The following TRAF2 variants were observed in gnomAD, a reference collection of about 807,000 sequenced individuals.
The protein encoded by TRAF2 is TNF receptor-associated factor 2.
TRAF2 carries 6 observed loss-of-function variants against 55.6 expected under a neutral mutation model. That is an observed-to-expected ratio of 0.11 (90% CI 0.06 to 0.21). The LOEUF is 0.21. TRAF2 is among the 10% of genes least tolerant of loss of function. TRAF2 has a pLI of 1.00. For synonymous variants in TRAF2, 329 were observed against 276.3 expected, an observed-to-expected ratio of 1.19 and a Z score of -1.89; for missense variants, 561 against 684.5, an observed-to-expected ratio of 0.82 and a Z score of 2.01.
chr9:136,901,598 G>T (rs552439220), intron 4 of TRAF2, among the ~76,000 whole-genome samples: 1 of 152,180 alleles, frequency 6.6e-6, no homozygotes, highest in African/African-American at 2.4e-5. Flanking sequence ...GAGGAGACAG[G>T]GGTCATTGTT....
chr9:136,920,998 C>G (rs758099713), intron 8 of TRAF2, 40 bp from the exon 9 acceptor site: 99 of 1,606,692 alleles, frequency 6.2e-5, no homozygotes, highest in Admixed American at 1.0e-4. Flanking sequence ...CGTGCCCGCA[C>G]CCCTCCTGTA....
intron 5 of TRAF2, among the ~76,000 whole-genome samples, chr9:136,909,474 G>C (rs545334561): frequency 2.6e-5 from 4 of 152,228 alleles, no homozygotes; most frequent in South Asian, 2.1e-4. Flanking sequence ...CCTGTAAACT[G>C]TCAGATGGAC....
intron 1 of TRAF2, among the ~76,000 whole-genome samples, chr9:136,897,659 T>C (rs1849712495): frequency 7.5e-6 from 1 of 132,638 alleles, no homozygotes; most frequent in Non-Finnish European, 1.6e-5. Context: ...ACGTTCCCGC[T>C]CTCGGGGCTG....
intron 10 of TRAF2, 136 bp downstream of exon 10, chr9:136,924,136 C>T: frequency 1.9e-6 from 2 of 1,073,610 alleles, no homozygotes; most frequent in African/African-American, 1.6e-5. Flanking sequence ...AGGCACGTCA[C>T]CCTGTGATGC....
intron 4 of TRAF2, 195 bp downstream of exon 4, chr9:136,900,715 A>G: frequency 1.6e-6 from 1 of 641,072 alleles, no homozygotes; most frequent in Non-Finnish European, 3.0e-6. Flanking sequence ...CAGAGCACAG[A>G]CCTGCACCAT....
Position 136,924,122 on chromosome 9 carries a change from C to CA in TRAF2, c.1287+123dup, listed in dbSNP as rs1410652711. On this transcript the variant is annotated intron_variant, in intron 10 of 10. Transcript: ENST00000247668. ...TTGGGCTCGCTGGACCAGGTGTCTG[C>CA]AGCAGGCACGTCACCCTGTGATGCT... The CA allele has an allele frequency of 4.1e-5, 50 of 1,230,846 alleles. No individual in the cohort carries two copies. The Admixed American group carries it at 1.1e-3, about 26-fold the overall frequency. 76.2% of individuals were successfully genotyped at this position (1,230,846 alleles called of 1,614,324 possible).
chr9:136,919,082 CAG>C (rs1177374298), intron 7 of TRAF2, among the ~76,000 whole-genome samples: 5 of 22,804 alleles, frequency 2.2e-4, no homozygotes, highest in East Asian at 5.0e-3. Flanking sequence ...ATTTTCGAAA[CAG>C]AGTCTCGCTC....
intron 1 of TRAF2, among the ~76,000 whole-genome samples, chr9:136,898,295 C>T (rs1482969856): frequency 6.6e-6 from 1 of 152,240 alleles, no homozygotes; most frequent in Non-Finnish European, 1.5e-5. Context: ...GCATCCACCA[C>T]TCTAAAACAT....
chr9:136,913,584 A>AC (rs1297572327), intron 6 of TRAF2, among the ~76,000 whole-genome samples: 5 of 152,102 alleles, frequency 3.3e-5, no homozygotes, highest in Non-Finnish European at 7.4e-5. Flanking sequence ...AGTGTGAGCC[A>AC]CCGTGCCCGG....
At chr9:136,904,754 C>CT (rs1849906949) in intron 4 of TRAF2, among the ~76,000 whole-genome samples, 1 of 152,256 alleles carries the variant, frequency 6.6e-6, no homozygotes, top group African/African-American at 2.4e-5. Flanking sequence ...ACTATTTGTG[C>CT]TTTCGTTTTT....
At chr9:136,884,806 C>G (rs566805725), upstream of TRAF2, among the ~76,000 whole-genome samples, 2 of 152,246 alleles carry the variant, frequency 1.3e-5, no homozygotes, top group Admixed American at 1.3e-4. Flanking sequence ...AAGCGGTCCT[C>G]CTGCCTCAGC....
chr9:136,887,069 G>A (rs940458938), intron 1 of TRAF2, among the ~76,000 whole-genome samples: 4 of 152,190 alleles, frequency 2.6e-5, no homozygotes, highest in Admixed American at 2.6e-4. Flanking sequence ...GGCTGGGGGC[G>A]GAGCCGACTC....
At position 136,912,152 on chromosome 9, in the gene TRAF2, C is replaced by CTTTT. The variant is rs1180324647; in HGVS notation, c.603+2182_603+2185dup. 3.8e-4 allele frequency among the ~76,000 whole-genome samples: 22 copies of CTTTT among 58,332 alleles called. 2 individuals carry two copies. Among genetic ancestry groups the CTTTT allele is most frequent in the African/African-American group, 1.5e-3 (20 of 13,192 alleles). 38.3% of individuals were successfully genotyped at this position (58,332 alleles called of 152,430 possible). ...CAGGCGTGAGCCACTGCGTCTGGCC[C>CTTTT]TTTTTTTTTTTTTTTTTTTTTTTTT... is the stretch of plus-strand genomic sequence containing the variant. On this transcript the variant is annotated intron_variant, in intron 6 of 10. Coordinates refer to ENST00000247668, the MANE Select transcript of TRAF2 (RefSeq NM_021138.4).
chr9:136,885,496 G>A (rs1301024852), upstream of TRAF2, among the ~76,000 whole-genome samples: 5 of 152,166 alleles, frequency 3.3e-5, no homozygotes, highest in African/African-American at 4.8e-5. Context: ...TGTTTTGGCC[G>A]CCAAGGCCAC....
At chr9:136,883,907 C>T (rs1447648345), upstream of TRAF2, among the ~76,000 whole-genome samples, 36 of 150,852 alleles carry the variant, frequency 2.4e-4, no homozygotes, top group African/African-American at 6.3e-4. Flanking sequence ...CTGCAACCTA[C>T]GCCTCCCGGG....
Position 136,898,786 on chromosome 9 carries a change from C to A in TRAF2, c.46C>A (p.Gln16Lys). The A allele has an allele frequency of 6.2e-7, 1 of 1,613,728 alleles. No homozygotes were observed. The highest frequency in any genetic ancestry group is 2.2e-5 in the East Asian group (1 of 44,876). The change falls in exon 2 of 11, where the codon CAG becomes AAG. Residue 16 changes from glutamine (Q) to lysine (K), a missense_variant. By Grantham distance (53) the Gln-to-Lys change is moderately conservative. Coordinates refer to ENST00000247668, the MANE Select transcript of TRAF2 (RefSeq NM_021138.4). Reference protein sequence around the residue: ...VTPPGSLELLQPGFSKTLLGT... With the variant: ...VTPPGSLELLKPGFSKTLLGT... ...CCCCCCTGGCTCCCTGGAGTTGCTACAGCCCGGCTTCTCCAAGACCCTCCT... is the reference window on the plus strand; with the variant it reads ...CCCCCCTGGCTCCCTGGAGTTGCTAAAGCCCGGCTTCTCCAAGACCCTCCT...
intron 5 of TRAF2, 123 bp downstream of exon 5, chr9:136,908,354 C>G (rs1205626600): frequency 4.5e-6 from 5 of 1,104,826 alleles, no homozygotes; most frequent in Non-Finnish European, 6.2e-6. Context: ...TCGGCCCTTT[C>G]CCTGGAGACA....
Position 136,909,902 on chromosome 9 carries a change from T to G in TRAF2, c.529-18T>G. On this transcript the variant is annotated intron_variant, in intron 5 of 10. Coordinates refer to ENST00000247668, the MANE Select transcript of TRAF2 (RefSeq NM_021138.4). Reference sequence around the variant, plus strand: ...GCATTGGCGTCCACCCTCACACTCCTGATCCCTTCTTTTGAAGGCGCACCA... The same window carrying G: ...GCATTGGCGTCCACCCTCACACTCCGGATCCCTTCTTTTGAAGGCGCACCA... 6.2e-7 allele frequency: 1 copy of G among 1,614,026 alleles called. No individual in the cohort carries two copies.
intron 1 of TRAF2, chr9:136,889,837 T>G (rs1849538318): frequency 6.6e-6 from 1 of 151,738 alleles, no homozygotes; most frequent in Non-Finnish European, 1.5e-5. Context: ...TGCATGCTCA[T>G]TCAGTCGGTC....
Sources: allele counts gnomAD v4.1 joint callset (sites outside exome capture counted in the v4.1 genomes callset), GRCh38; gene constraint gnomAD v4.1.1; transcripts MANE v1.5; gene names NCBI Gene and HGNC (gene_info 2026-07-23, HGNC 2026-07-21).